The following CRADD variants were observed in gnomAD, a reference collection of about 807,000 sequenced individuals.
CRADD encodes the protein CARD and death domain containing adaptor protein, also known as death domain-containing protein CRADD.
CRADD carries 9 observed loss-of-function variants against 15.5 expected under a neutral mutation model. That is an observed-to-expected ratio of 0.58 (90% CI 0.35 to 1.01). The LOEUF is 1.01. Among genes scored for constraint, CRADD ranks in the 50% least tolerant of loss-of-function variants. The pLI, the probability that CRADD is intolerant of heterozygous loss-of-function variation, is 0.02. For missense variants in CRADD, 227 were observed against 250.3 expected (o/e 0.91, Z 0.63); for synonymous variants, 118 against 107.6 (o/e 1.10, Z -0.60).
intron 2 of CRADD, among the ~76,000 whole-genome samples, chr12:93,775,134 A>G (rs929455538): frequency 6.6e-6 from 1 of 152,240 alleles, no homozygotes; most frequent in African/African-American, 2.4e-5. Flanking sequence ...TTTGGTGCTC[A>G]CATTTACCAT....
intron 2 of CRADD, among the ~76,000 whole-genome samples, chr12:93,755,707 A>G (rs756812003): frequency 6.6e-6 from 1 of 152,194 alleles, no homozygotes; most frequent in Non-Finnish European, 1.5e-5. Flanking sequence ...GTAGCCACAT[A>G]CTGTAGTTTC....
chr12:93,738,770 A>T (rs1956624196), intron 2 of CRADD: 1 of 241,332 alleles, frequency 4.1e-6, no homozygotes, highest in East Asian at 7.9e-5. Context: ...AAAAATAATT[A>T]GTAAGTCACA....
intron 2 of CRADD, among the ~76,000 whole-genome samples, chr12:93,839,385 G>A (rs11107211): frequency 0.028 from 4,320 of 152,224 alleles, 88 homozygotes; most frequent in Admixed American, 0.067. Flanking sequence ...TAAGATATAC[G>A]TGTATTTGCT....
At position 93,724,200 on chromosome 12, in the gene CRADD, AG is replaced by A. The variant is rs560128901; in HGVS notation, c.298+45129del. The stretch of plus-strand genomic sequence containing the variant: ...TTCGAGGCCAGCCTGGATAACATAG[AG>A]AAACCCAGTCTCTCCTAAAAATACA... On this transcript the variant is annotated intron_variant, in intron 2 of 2. Coordinates refer to ENST00000332896, the MANE Select transcript of CRADD (RefSeq NM_003805.5). 3.1e-4 allele frequency among the ~76,000 whole-genome samples: 47 copies of A among 152,114 alleles called. 1 individual carries two copies. The South Asian group carries it at 9.6e-3, about 31-fold the overall frequency.
intron 2 of CRADD, among the ~76,000 whole-genome samples, chr12:93,781,122 G>A (rs1017401427): frequency 6.6e-6 from 1 of 151,916 alleles, no homozygotes; most frequent in African/African-American, 2.4e-5. Context: ...AGAGACTGCT[G>A]GGATCATGTC....
At chr12:93,823,927 G>T (rs1451215597) in intron 2 of CRADD, among the ~76,000 whole-genome samples, 1 of 152,220 alleles carries the variant, frequency 6.6e-6, no homozygotes, top group African/African-American at 2.4e-5. Context: ...AGAGTCTACA[G>T]TTGAAGCAGC....
At chr12:93,765,709 A>AT (rs944900186) in intron 2 of CRADD, among the ~76,000 whole-genome samples, 16 of 150,688 alleles carry the variant, frequency 1.1e-4, no homozygotes, top group African/African-American at 2.9e-4. Context: ...GCTATTTCTC[A>AT]TTTTTTTTTC....
intron 2 of CRADD, among the ~76,000 whole-genome samples, chr12:93,774,228 A>G (rs889307706): frequency 6.6e-6 from 1 of 152,202 alleles, no homozygotes; most frequent in Non-Finnish European, 1.5e-5. Flanking sequence ...ATCACTATGT[A>G]GTTCACCACA....
chr12:93,683,115 G>A (rs2136793334), intron 2 of CRADD, among the ~76,000 whole-genome samples: 1 of 152,218 alleles, frequency 6.6e-6, no homozygotes, highest in South Asian at 2.1e-4. Flanking sequence ...CTGCTCATGG[G>A]GCCTGTCGGC....
chr12:93,768,967 C>T (rs886826260), intron 2 of CRADD, among the ~76,000 whole-genome samples: 1 of 152,166 alleles, frequency 6.6e-6, no homozygotes, highest in African/African-American at 2.4e-5. Context: ...TTGTGAGATT[C>T]ATCCATGTTT....
intron 2 of CRADD, among the ~76,000 whole-genome samples, chr12:93,778,417 T>G (rs1957163331): frequency 6.6e-6 from 1 of 152,210 alleles, no homozygotes; most frequent in African/African-American, 2.4e-5. Flanking sequence ...TATTTTTATA[T>G]TTATTGCTAT....
chr12:93,835,569 T>C (rs949489640), intron 2 of CRADD, among the ~76,000 whole-genome samples: 8 of 152,218 alleles, frequency 5.3e-5, no homozygotes, highest in Non-Finnish European at 8.8e-5. Context: ...CTCATTAATC[T>C]TTCTGATGGA....
chr12:93,722,193 C>T (rs972391327), intron 2 of CRADD, among the ~76,000 whole-genome samples: 2 of 152,194 alleles, frequency 1.3e-5, no homozygotes, highest in African/African-American at 4.8e-5. Flanking sequence ...TATGTGATTT[C>T]TGAGAAGGCA....
intron 2 of CRADD, among the ~76,000 whole-genome samples, chr12:93,804,527 A>T (rs1204904927): frequency 2.6e-5 from 4 of 152,144 alleles, no homozygotes; most frequent in Non-Finnish European, 5.9e-5. Flanking sequence ...CAGGAGAACA[A>T]TGAAATGTAG....
chr12:93,689,471 A>G (rs1391040424), intron 2 of CRADD, among the ~76,000 whole-genome samples: 6 of 152,184 alleles, frequency 3.9e-5, no homozygotes, highest in Admixed American at 2.6e-4. Flanking sequence ...AAAAAAAGGT[A>G]TGTTGTGTTT....
chr12:93,867,671 T>C (rs554977377), intron 2 of CRADD, among the ~76,000 whole-genome samples: 12 of 152,006 alleles, frequency 7.9e-5, no homozygotes, highest in African/African-American at 2.9e-4. Flanking sequence ...ATTTCAAAAG[T>C]AAATGAGGGA....
intron 2 of CRADD, among the ~76,000 whole-genome samples, chr12:93,679,987 A>C (rs1049772845): frequency 6.6e-6 from 1 of 152,178 alleles, no homozygotes; most frequent in Admixed American, 6.5e-5. Context: ...GGAGTATTTA[A>C]TTTTGCAAAG....
At chr12:93,728,900 A>T (rs918659824) in intron 2 of CRADD, among the ~76,000 whole-genome samples, 1 of 152,208 alleles carries the variant, frequency 6.6e-6, no homozygotes, top group African/African-American at 2.4e-5. Context: ...AGAAAATAAG[A>T]GCATAGCTAC....
At chr12:93,685,633 A>G (rs1955410498) in intron 2 of CRADD, among the ~76,000 whole-genome samples, 2 of 152,218 alleles carry the variant, frequency 1.3e-5, no homozygotes, top group South Asian at 2.1e-4. Flanking sequence ...TTGAAAGTAT[A>G]CCAAATTATT....
Sources: allele counts gnomAD v4.1 joint callset (sites outside exome capture counted in the v4.1 genomes callset), GRCh38; gene constraint gnomAD v4.1.1; transcripts MANE v1.5; gene names NCBI Gene and HGNC (gene_info 2026-07-23, HGNC 2026-07-21).